The following KIAA1217 variants were observed in gnomAD, a reference collection of about 807,000 sequenced individuals.
KIAA1217 encodes sickle tail protein homolog.
Under a neutral mutation model 163.9 loss-of-function variants are expected in KIAA1217, and 88 were observed. The ratio of observed to expected loss-of-function variants is 0.54; its 90% CI spans 0.45 to 0.64. The LOEUF (loss-of-function observed/expected upper bound fraction) is 0.64. Ranked by LOEUF, KIAA1217 falls within the 30% of genes least tolerant of loss-of-function variation. KIAA1217 has a pLI of 0.00. For missense variants in KIAA1217, 2,372 were observed against 2,475.0 expected, an observed-to-expected ratio of 0.96 and a Z score of 0.88; for synonymous variants, 903 against 923.1, an observed-to-expected ratio of 0.98 and a Z score of 0.39.
intron 3 of KIAA1217, among the ~76,000 whole-genome samples, chr10:24,430,278 C>T (rs1224391036): frequency 6.6e-6 from 1 of 152,140 alleles, no homozygotes; most frequent in Admixed American, 6.5e-5. Flanking sequence ...CAGCCCCTTC[C>T]CCTATGCTTG....
intron 1 of KIAA1217, among the ~76,000 whole-genome samples, chr10:23,998,442 T>C (rs955834911): frequency 1.3e-5 from 2 of 152,228 alleles, no homozygotes; most frequent in Non-Finnish European, 2.9e-5. Flanking sequence ...GCCTCTCTCT[T>C]GCTCTCAATG....
intron 1 of KIAA1217, among the ~76,000 whole-genome samples, chr10:23,887,715 T>C (rs914074600): frequency 9.2e-5 from 14 of 151,840 alleles, no homozygotes; most frequent in Non-Finnish European, 4.4e-5. Context: ...TTTTAGTTTT[T>C]ACTTGTTTAC....
At chr10:24,391,333 CTTTT>C (rs768727392) in intron 3 of KIAA1217, among the ~76,000 whole-genome samples, 1 of 29,888 alleles carries the variant, frequency 3.3e-5, no homozygotes, top group Non-Finnish European at 5.2e-5. Flanking sequence ...TTCTTTCTTT[CTTTT>C]TTTTTTTTTT....
intron 2 of KIAA1217, among the ~76,000 whole-genome samples, chr10:24,074,406 C>A (rs1031254609): frequency 1.3e-5 from 2 of 152,008 alleles, no homozygotes; most frequent in Non-Finnish European, 2.9e-5. Flanking sequence ...AACTTTAAAA[C>A]GTGCTTTTGG....
At chr10:24,309,775 G>A (rs967663176) in intron 2 of KIAA1217, among the ~76,000 whole-genome samples, 1 of 152,120 alleles carries the variant, frequency 6.6e-6, no homozygotes, top group Non-Finnish European at 1.5e-5. Context: ...GTTAATGCAG[G>A]TAATCCATCT....
chr10:24,265,194 A>G (rs2076120321), intron 2 of KIAA1217, among the ~76,000 whole-genome samples: 1 of 152,212 alleles, frequency 6.6e-6, no homozygotes, highest in South Asian at 2.1e-4. Flanking sequence ...GACATTAGCC[A>G]TGGCCTTCAT....
chr10:24,199,454 C>G (rs1342535301), intron 2 of KIAA1217, among the ~76,000 whole-genome samples: 1 of 152,174 alleles, frequency 6.6e-6, no homozygotes, highest in Non-Finnish European at 1.5e-5. Context: ...CACCTTTCCA[C>G]ATTGCCACAC....
At chr10:23,935,353 C>G (rs1401719417) in intron 1 of KIAA1217, among the ~76,000 whole-genome samples, 1 of 152,196 alleles carries the variant, frequency 6.6e-6, no homozygotes, top group Admixed American at 6.5e-5. Flanking sequence ...CACCTCAGAT[C>G]ACTGCGAGAA....
intron 1 of KIAA1217, among the ~76,000 whole-genome samples, chr10:23,849,780 T>C (rs1174157359): frequency 3.9e-5 from 6 of 152,134 alleles, no homozygotes; most frequent in Admixed American, 6.6e-5. Flanking sequence ...TCCCTAGAAC[T>C]GGTCAAAAGA....
chr10:24,110,224 A>G (rs1026245597), intron 2 of KIAA1217, among the ~76,000 whole-genome samples: 12 of 152,302 alleles, frequency 7.9e-5, no homozygotes, highest in Admixed American at 6.5e-4. Flanking sequence ...CTAGTTGTAC[A>G]TTTGTATCAA....
chr10:24,142,931 C>T (rs968346387), intron 2 of KIAA1217, among the ~76,000 whole-genome samples: 1 of 152,152 alleles, frequency 6.6e-6, no homozygotes, highest in Admixed American at 6.5e-5. Flanking sequence ...CTGCAGTAAT[C>T]CACAGGAGGG....
intron 2 of KIAA1217, among the ~76,000 whole-genome samples, chr10:24,110,315 G>A (rs1315471823): frequency 2.0e-5 from 3 of 152,170 alleles, no homozygotes; most frequent in Non-Finnish European, 2.9e-5. Context: ...AGTCTATTCT[G>A]TCACTTTATT....
intron 2 of KIAA1217, among the ~76,000 whole-genome samples, chr10:24,141,113 C>A (rs189980401): frequency 9.2e-5 from 14 of 152,140 alleles, no homozygotes; most frequent in African/African-American, 3.1e-4. Flanking sequence ...CCAGCATCTC[C>A]CAGACTCAGC....
At chr10:23,750,580 C>G (rs769391639) in intron 1 of KIAA1217, among the ~76,000 whole-genome samples, 1 of 152,118 alleles carries the variant, frequency 6.6e-6, no homozygotes, top group Non-Finnish European at 1.5e-5. Flanking sequence ...TTGTATTTGC[C>G]CCTTTACGCC....
At chr10:23,929,750 G>A (rs1843178090) in intron 1 of KIAA1217, among the ~76,000 whole-genome samples, 1 of 152,164 alleles carries the variant, frequency 6.6e-6, no homozygotes, top group Admixed American at 6.5e-5. Flanking sequence ...ATTGTCAGTA[G>A]TGCTGCAATA....
At chr10:24,482,175 CA>C (rs1293035663) in intron 6 of KIAA1217, 1 of 152,214 alleles carries the variant, frequency 6.6e-6, no homozygotes, top group Non-Finnish European at 1.5e-5. Context: ...AATGGAATAG[CA>C]GCCACAAGGT....
At position 23,867,460 on chromosome 10, in the gene KIAA1217, C is replaced by G. The variant is rs1057191211; in HGVS notation, c.-320-139765C>G. 2.6e-5 allele frequency among the ~76,000 whole-genome samples: 4 copies of G among 152,282 alleles called. No homozygotes were observed. The East Asian group carries it at 7.7e-4, about 29-fold the overall frequency. On this transcript the variant is annotated intron_variant, in intron 1 of 18. Coordinates refer to the KIAA1217 transcript ENST00000376462. ...CACAATGGTTGAACTAGTTTACAGT[C>G]CCATCAACAGTTTAAAAGTGTTCCT...
At chr10:24,081,923 C>G (rs1021240360) in intron 2 of KIAA1217, among the ~76,000 whole-genome samples, 1 of 152,044 alleles carries the variant, frequency 6.6e-6, no homozygotes, top group Non-Finnish European at 1.5e-5. Context: ...AAGCTGCACC[C>G]TTACCCACCT....
intron 2 of KIAA1217, among the ~76,000 whole-genome samples, chr10:24,278,879 CAG>C (rs1469077518): frequency 7.2e-6 from 1 of 138,450 alleles, no homozygotes; most frequent in East Asian, 2.1e-4. Flanking sequence ...TTCTTGGAGA[CAG>C]AGTCTCACTC....
Sources: gnomAD v4.1 joint callset for allele counts (sites outside exome capture counted in the v4.1 genomes callset) on GRCh38, gnomAD v4.1.1 for gene constraint, MANE v1.5 for transcripts, NCBI Gene and HGNC (gene_info 2026-07-23, HGNC 2026-07-21) for gene names.